Variants in SPAG16 observed in about 807,000 individuals in gnomAD.
SPAG16 encodes sperm-associated antigen 16 protein.
Under a neutral mutation model 80.4 loss-of-function variants are expected in SPAG16, and 86 were observed. The ratio of observed to expected loss-of-function variants is 1.07; its 90% CI spans 0.90 to 1.28. The LOEUF (loss-of-function observed/expected upper bound fraction) is 1.28, where lower values mean the gene tolerates loss of function less well. SPAG16 is among the 50% of genes most tolerant of loss of function. The probability of loss-of-function intolerance (pLI) is 0.00; values close to 1 mark genes in which losing one functional copy is unlikely to be tolerated. For missense variants in SPAG16, 870 were observed against 765.3 expected (o/e 1.14, Z -1.61); for synonymous variants, 294 against 265.9 (o/e 1.11, Z -1.03).
At chr2:213,746,340 T>C (rs1046977172) in intron 10 of SPAG16, among the ~76,000 whole-genome samples, 4 of 152,194 alleles carry the variant, frequency 2.6e-5, no homozygotes, top group African/African-American at 9.7e-5. Flanking sequence ...TAACCTCATT[T>C]TGGTCAATGA....
chr2:213,330,001 A>G (rs1464118609), intron 5 of SPAG16, among the ~76,000 whole-genome samples: 1 of 152,240 alleles, frequency 6.6e-6, no homozygotes, highest in Non-Finnish European at 1.5e-5. Flanking sequence ...CTGCAGGTGC[A>G]TGGAAGTCAA....
intron 10 of SPAG16, among the ~76,000 whole-genome samples, chr2:213,668,098 G>A (rs373166228): frequency 6.6e-6 from 1 of 151,904 alleles, no homozygotes; most frequent in Non-Finnish European, 1.5e-5. Context: ...GTGCCACCAC[G>A]CCCAGCTAAT....
chr2:213,725,460 C>T lies in SPAG16; in HGVS notation c.1071-137025C>T, dbSNP rs138029535. On this transcript the variant is annotated intron_variant, in intron 10 of 15. Transcript: ENST00000331683. ...ATGCCCATCCATCCTCATTTCTGTT[C>T]TGTCTAGCCAAACCTGCAGTTGGAG... is the stretch of plus-strand genomic sequence containing the variant. Among the ~76,000 whole-genome samples, 3 of 152,290 alleles carry T rather than the reference C, an allele frequency of 2.0e-5. No individual in the cohort carries two copies. The East Asian group carries it at 5.8e-4, about 29-fold the overall frequency.
chr2:213,449,977 A>G (rs1282510972), intron 9 of SPAG16, among the ~76,000 whole-genome samples: 2 of 152,302 alleles, frequency 1.3e-5, no homozygotes, highest in Admixed American at 6.5e-5. Context: ...TCTCTTTTAT[A>G]GCCCTTTCCA....
intron 10 of SPAG16, among the ~76,000 whole-genome samples, chr2:213,510,723 C>T (rs6754838): frequency 0.086 from 13,115 of 152,156 alleles, 1,425 homozygotes; most frequent in African/African-American, 0.25. Context: ...GACAAGTGTA[C>T]TTGACCATGA....
intron 15 of SPAG16, among the ~76,000 whole-genome samples, chr2:214,183,451 C>T (rs907786080): frequency 2.6e-5 from 4 of 151,964 alleles, no homozygotes; most frequent in African/African-American, 9.7e-5. Context: ...CTGCAAGTCT[C>T]TCGGCCCTTT....
At chr2:213,310,354 ACACACACACACACACACAC>A (rs2063135093) in intron 4 of SPAG16, among the ~76,000 whole-genome samples, 177 bp downstream of exon 4, 7 of 150,622 alleles carry the variant, frequency 4.6e-5, no homozygotes, top group African/African-American at 7.3e-5. Flanking sequence ...ACACACACAC[ACACACACACACACACACAC>A]AAATCAGAAT....
At chr2:213,443,547 A>T (rs1269398684) in intron 9 of SPAG16, among the ~76,000 whole-genome samples, 2 of 152,126 alleles carry the variant, frequency 1.3e-5, no homozygotes, top group African/African-American at 4.8e-5. Flanking sequence ...TTATTCATTA[A>T]TCTGTCAGTA....
intron 15 of SPAG16, among the ~76,000 whole-genome samples, chr2:214,236,487 A>G (rs537649796): frequency 6.6e-6 from 1 of 152,002 alleles, no homozygotes; most frequent in Non-Finnish European, 1.5e-5. Context: ...CCTCATCTCT[A>G]CTAAAAATAC....
chr2:213,909,215 A>G (rs1000748324), intron 11 of SPAG16, among the ~76,000 whole-genome samples: 23 of 152,306 alleles, frequency 1.5e-4, no homozygotes, highest in African/African-American at 4.6e-4. Context: ...CCACTGCTCA[A>G]TGAAATAAAA....
intron 15 of SPAG16, among the ~76,000 whole-genome samples, chr2:214,381,388 A>G (rs1700442557): frequency 6.6e-6 from 1 of 152,214 alleles, no homozygotes; most frequent in African/African-American, 2.4e-5. Flanking sequence ...TTCTTTCTGC[A>G]TAGAGCATAA....
At chr2:213,686,022 A>G (rs557715639) in intron 10 of SPAG16, among the ~76,000 whole-genome samples, 21 of 152,342 alleles carry the variant, frequency 1.4e-4, no homozygotes, top group African/African-American at 4.6e-4. Context: ...TTATAAAGGT[A>G]TCATAATCAA....
At chr2:213,797,537 C>A (rs1290627860) in intron 10 of SPAG16, among the ~76,000 whole-genome samples, 1 of 152,108 alleles carries the variant, frequency 6.6e-6, no homozygotes, top group Non-Finnish European at 1.5e-5. Context: ...TATTTGTAGC[C>A]TAGAAGCAAT....
intron 10 of SPAG16, among the ~76,000 whole-genome samples, chr2:213,577,743 T>G (rs1209315473): frequency 6.6e-6 from 1 of 152,148 alleles, no homozygotes; most frequent in Non-Finnish European, 1.5e-5. Context: ...TCATTCAAAG[T>G]TGCTCGGTTA....
chr2:214,009,162 G>A (rs1019301654), intron 12 of SPAG16, among the ~76,000 whole-genome samples: 27 of 151,950 alleles, frequency 1.8e-4, no homozygotes, highest in Admixed American at 5.9e-4. Context: ...CTAGACGTTC[G>A]CCCAAAATTC....
At chr2:213,348,408 G>C (rs1490967260) in intron 6 of SPAG16, among the ~76,000 whole-genome samples, 1 of 152,124 alleles carries the variant, frequency 6.6e-6, no homozygotes, top group African/African-American at 2.4e-5. Flanking sequence ...GTGTGAATTT[G>C]ATCCTGTCAT....
At chr2:213,683,614 T>C (rs1157331683) in intron 10 of SPAG16, among the ~76,000 whole-genome samples, 2 of 152,184 alleles carry the variant, frequency 1.3e-5, no homozygotes, top group East Asian at 3.8e-4. Context: ...ATGTTCTATG[T>C]ATTTACTTTT....
chr2:213,859,685 G>T (rs1454501008), intron 10 of SPAG16, among the ~76,000 whole-genome samples: 3 of 152,190 alleles, frequency 2.0e-5, no homozygotes, highest in Non-Finnish European at 4.4e-5. Context: ...TGGGTTCAAA[G>T]TTGGCTTCCG....
intron 10 of SPAG16, among the ~76,000 whole-genome samples, chr2:213,546,723 T>C (rs1366218150): frequency 6.6e-6 from 1 of 152,152 alleles, no homozygotes; most frequent in Non-Finnish European, 1.5e-5. Flanking sequence ...ATATTTCTTT[T>C]TAAAATATTC....
Sources: allele counts gnomAD v4.1 joint callset (sites outside exome capture counted in the v4.1 genomes callset), GRCh38; gene constraint gnomAD v4.1.1; transcripts MANE v1.5; gene names NCBI Gene and HGNC (gene_info 2026-07-23, HGNC 2026-07-21).